Variants in RYR3 observed in about 807,000 individuals in gnomAD.
RYR3 encodes the protein ryanodine receptor 3.
RYR3 carries 207 observed loss-of-function variants against 584.3 expected under a neutral mutation model. The observed-to-expected ratio is 0.35, with a 90% CI of 0.32 to 0.40. RYR3 has a LOEUF of 0.40. Ranked by LOEUF, RYR3 falls within the 10% of genes least tolerant of loss-of-function variation. The pLI is 1.00. For synonymous variants in RYR3, 2,416 were observed against 2,248.5 expected (o/e 1.07, Z -2.11); for missense variants, 5,616 against 6,089.2 (o/e 0.92, Z 2.59).
chr15:33,492,678 G>A (rs1219756889), intron 2 of RYR3, among the ~76,000 whole-genome samples: 1 of 152,140 alleles, frequency 6.6e-6, no homozygotes, highest in Non-Finnish European at 1.5e-5. Context: ...TGCAGTCAAG[G>A]CAGGACCCAG....
rs1467875736 is a variant in RYR3 at position 33,717,008 on chromosome 15, G to A, written c.6620-5707G>A. Among the ~76,000 whole-genome samples the A allele has an allele frequency of 2.0e-5, 3 of 152,134 alleles. No individual in the cohort carries two copies. The East Asian group carries it at 5.8e-4, about 29-fold the overall frequency. The stretch of plus-strand genomic sequence containing the variant: ...TGTCAGAGCACACCTTCTGACTTCA[G>A]GTTTCTATGGCATTCAAGTTTTATT... On this transcript the variant is annotated intron_variant, in intron 43 of 103. Transcript: ENST00000634891.
At chr15:33,631,098 C>G in intron 22 of RYR3, 112 bp from the exon 23 acceptor site, 1 of 653,588 alleles carries the variant, frequency 1.5e-6, no homozygotes, top group African/African-American at 1.8e-5. Flanking sequence ...GTCTACTGAC[C>G]CCTGGGCTAA....
intron 1 of RYR3, among the ~76,000 whole-genome samples, chr15:33,356,815 C>T (rs770694658): frequency 9.2e-5 from 14 of 152,152 alleles, no homozygotes; most frequent in Non-Finnish European, 1.8e-4. Flanking sequence ...GCATTTAACT[C>T]TCCTCTAATG....
At chr15:33,567,177 A>G (rs542295467) in intron 12 of RYR3, among the ~76,000 whole-genome samples, 46 of 152,346 alleles carry the variant, frequency 3.0e-4, no homozygotes, top group African/African-American at 6.3e-4. Flanking sequence ...GGTTTCTACA[A>G]TCATTCAGAA....
In RYR3 at chr15:33,442,912, T is replaced by A. The variant is rs186212589; in HGVS notation, c.52-30507T>A. Among the ~76,000 whole-genome samples, 815 of 152,300 alleles carry A rather than the reference T, an allele frequency of 5.4e-3. 6 individuals carry two copies. The highest frequency in any genetic ancestry group is 0.018 in the African/African-American group (755 of 41,556). On this transcript the variant is annotated intron_variant, in intron 1 of 103. Transcript: ENST00000634891. ...AACACAGTTGTTCTAATTGTCCTGA[T>A]AATGGTGATTTCCAGACACATTAGA...
At chr15:33,609,332 G>A (rs2152563636) in intron 18 of RYR3, among the ~76,000 whole-genome samples, 1 of 152,290 alleles carries the variant, frequency 6.6e-6, no homozygotes, top group East Asian at 1.9e-4. Context: ...ACTTCGGGAG[G>A]CCGAGATGGG....
intron 1 of RYR3, among the ~76,000 whole-genome samples, chr15:33,336,431 A>AG: frequency 4.5e-5 from 1 of 22,100 alleles, no homozygotes; most frequent in Admixed American, 4.1e-4. Flanking sequence ...AGAAAGAAAG[A>AG]AAGAAAGAAA....
At chr15:33,669,854 G>GGGGT (rs2063723432) in intron 37 of RYR3, among the ~76,000 whole-genome samples, 3 of 36,002 alleles carry the variant, frequency 8.3e-5, no homozygotes, top group Non-Finnish European at 1.9e-4. Flanking sequence ...GGGGGGGGGG[G>GGGGT]GGGGTGTGGG....
chr15:33,670,366 A>G, intron 37 of RYR3, 53 bp from the exon 38 acceptor site: 3 of 1,591,078 alleles, frequency 1.9e-6, no homozygotes, highest in South Asian at 1.1e-5. Context: ...TTGTGACACT[A>G]TGATGGTTTC....
At chr15:33,416,731 T>G (rs2043840986) in intron 1 of RYR3, among the ~76,000 whole-genome samples, 1 of 152,214 alleles carries the variant, frequency 6.6e-6, no homozygotes, top group Non-Finnish European at 1.5e-5. Context: ...CTGTTACATT[T>G]GCTTTTGAGG....
intron 3 of RYR3, among the ~76,000 whole-genome samples, chr15:33,522,928 C>T (rs763039056): frequency 2.6e-5 from 4 of 152,080 alleles, no homozygotes; most frequent in Admixed American, 2.0e-4. Flanking sequence ...AAAAAATATC[C>T]GTGTTACCAG....
At chr15:33,840,798 G>C in intron 89 of RYR3, 27 bp from the exon 90 acceptor site, 1 of 1,611,978 alleles carries the variant, frequency 6.2e-7, no homozygotes, top group South Asian at 1.1e-5. Context: ...TTTGAGGAAA[G>C]CTTGACTAAT....
At chr15:33,672,015 T>C (rs1366022414) in intron 38 of RYR3, among the ~76,000 whole-genome samples, 1 of 152,014 alleles carries the variant, frequency 6.6e-6, no homozygotes, top group Non-Finnish European at 1.5e-5. Flanking sequence ...GGTTTCATCA[T>C]GTTGGCCAGG....
Position 33,731,804 on chromosome 15 carries a change from G to A in RYR3, c.7424+110G>A, listed in dbSNP as rs1446664331. 8.1e-6 allele frequency: 6 copies of A among 744,308 alleles called. No individual in the cohort carries two copies. The African/African-American group carries it at 8.6e-5, about 11-fold the overall frequency. The allele number at this position is 744,308 out of a possible 1,614,324, so 46.1% of individuals were successfully genotyped here. A position where few individuals can be genotyped will look rare whatever the true frequency, so the allele number is the denominator to read the frequency against. On this transcript the variant is annotated intron_variant, in intron 48 of 103. Transcript: ENST00000634891. ...AGTCTAAGGAAGCTTCCAGGCCATT[G>A]TCATACACCAGCCCTCCCCCAGACA... is the stretch of plus-strand genomic sequence containing the variant.
At chr15:33,592,364 A>T (rs368252590) in intron 16 of RYR3, among the ~76,000 whole-genome samples, 1 of 152,188 alleles carries the variant, frequency 6.6e-6, no homozygotes, top group African/African-American at 2.4e-5. Context: ...GGGGCTAAGC[A>T]TCTGTATTTC....
intron 1 of RYR3, among the ~76,000 whole-genome samples, chr15:33,313,033 G>A (rs1967575806): frequency 6.6e-6 from 1 of 152,198 alleles, no homozygotes. Flanking sequence ...AGCCCCTGTT[G>A]CAGAGAACTG....
intron 67 of RYR3, among the ~76,000 whole-genome samples, chr15:33,789,641 TATATATATATATATA>T (rs2152915906): frequency 4.1e-5 from 1 of 24,552 alleles, no homozygotes; most frequent in African/African-American, 1.5e-4. Flanking sequence ...TATATATATA[TATATATATATATATA>T]TATTTTTTTT....
chr15:33,780,160 G>A (rs1266430795), intron 64 of RYR3, 51 bp from the exon 65 acceptor site: 1 of 1,596,700 alleles, frequency 6.3e-7, no homozygotes. Flanking sequence ...GCCAATGCAT[G>A]GGGCCAGCAT....
chr15:33,352,052 C>A (rs1595819086), intron 1 of RYR3, among the ~76,000 whole-genome samples: 1 of 152,228 alleles, frequency 6.6e-6, no homozygotes, highest in East Asian at 1.9e-4. Context: ...TAAGCAACTT[C>A]AGCAAAGTCT....
Sources: gnomAD v4.1 joint callset for allele counts (sites outside exome capture counted in the v4.1 genomes callset) on GRCh38, gnomAD v4.1.1 for gene constraint, MANE v1.5 for transcripts, NCBI Gene and HGNC (gene_info 2026-07-23, HGNC 2026-07-21) for gene names.